Variants in ZNF846 observed in about 807,000 individuals in gnomAD.
The protein encoded by ZNF846 is zinc finger protein 846, also known as zinc finger protein 420 pseudogene.
ZNF846 carries 15 observed loss-of-function variants against 16.0 expected under a neutral mutation model. The ratio of observed to expected loss-of-function variants is 0.94; its 90% CI spans 0.63 to 1.45. ZNF846 has a LOEUF of 1.45. ZNF846 is among the 40% of genes most tolerant of loss of function. The pLI is 0.00. For missense variants in ZNF846, 714 were observed against 622.3 expected, an observed-to-expected ratio of 1.15 and a Z score of -1.57; for synonymous variants, 229 against 212.0, an observed-to-expected ratio of 1.08 and a Z score of -0.70.
At chr19:9,757,173 T>TGA (rs890395208), downstream of ZNF846, among the ~76,000 whole-genome samples, 6 of 149,204 alleles carry the variant, frequency 4.0e-5, 1 homozygote, top group African/African-American at 7.6e-5. Flanking sequence ...CCAGCCTGGG[T>TGA]GAGAGAGAGA....
At chr19:9,758,504 A>T (rs369876507) in exon 6 of ZNF846, 9 of 1,613,396 alleles carry the variant, frequency 5.6e-6, no homozygotes, top group South Asian at 1.1e-5. Flanking sequence ...CTTGTGTGTG[A>T]GTTTTATTCT....
upstream of ZNF846, among the ~76,000 whole-genome samples, chr19:9,771,541 G>A (rs1173569039): frequency 2.0e-5 from 3 of 152,126 alleles, no homozygotes; most frequent in Non-Finnish European, 2.9e-5. Context: ...TTATAAGTGA[G>A]AACATATATA....
At chr19:9,764,775 C>T in intron 2 of ZNF846, 161 bp downstream of exon 2, 1 of 802,256 alleles carries the variant, frequency 1.2e-6, no homozygotes, top group Non-Finnish European at 2.1e-6. Context: ...AATCTCTGTA[C>T]AACCTGAGAT....
intron 2 of ZNF846, among the ~76,000 whole-genome samples, chr19:9,764,559 G>A (rs530250116): frequency 5.1e-4 from 77 of 152,010 alleles, no homozygotes; most frequent in South Asian, 3.3e-3. Flanking sequence ...ACCTACCCCC[G>A]CCCTCACTAA....
chr19:9,755,672 C>T (rs990724299), downstream of ZNF846: 6 of 145,598 alleles, frequency 4.1e-5, 1 homozygote, highest in South Asian at 2.2e-4. Flanking sequence ...TAGTGGCGGG[C>T]GCCTGTAGTC....
chr19:9,753,209 G>C (rs1435538651), downstream of ZNF846, among the ~76,000 whole-genome samples: 4 of 146,032 alleles, frequency 2.7e-5, no homozygotes, highest in Admixed American at 2.7e-4. Flanking sequence ...TACGCAAGTT[G>C]AGGAGACAAA....
intron 1 of ZNF846, among the ~76,000 whole-genome samples, chr19:9,766,965 T>C: frequency 6.6e-6 from 1 of 151,626 alleles, no homozygotes; most frequent in East Asian, 1.9e-4. Context: ...CTTGATATTG[T>C]CACTGACTTT....
chr19:9,769,796 C>T (rs1200646476), upstream of ZNF846, among the ~76,000 whole-genome samples: 2 of 151,590 alleles, frequency 1.3e-5, no homozygotes, highest in Non-Finnish European at 2.9e-5. Flanking sequence ...GCCAACATGC[C>T]GAAACCCCAT....
downstream of ZNF846, among the ~76,000 whole-genome samples, chr19:9,757,284 C>T (rs181208242): frequency 9.2e-5 from 14 of 151,704 alleles, 2 homozygotes; most frequent in African/African-American, 3.4e-4. Flanking sequence ...AAGGTGAGTT[C>T]TTACACTTTA....
chr19:9,756,345 G>GTGTGTGTATATA (rs1321690890), downstream of ZNF846: 43 of 81,748 alleles, frequency 5.3e-4, no homozygotes, highest in African/African-American at 2.0e-3. Flanking sequence ...GTGTGTGTGT[G>GTGTGTGTATATA]TATATATATA....
exon 3 of ZNF846, chr19:9,763,406 G>C (rs752129984): frequency 6.3e-7 from 1 of 1,596,168 alleles, no homozygotes; most frequent in Admixed American, 1.8e-5. Context: ...AGGTCACTAA[G>C]TGCTAAACCA....
At chr19:9,752,077 T>G, downstream of ZNF846, 2 of 149,430 alleles carry the variant, frequency 1.3e-5, no homozygotes, top group Non-Finnish European at 3.0e-5. Context: ...TGGGATTACA[T>G]GCATGAGTCA....
downstream of ZNF846, chr19:9,756,345 G>GTGTGTGTA (rs1321690890): frequency 8.1e-4 from 66 of 81,750 alleles, no homozygotes; most frequent in African/African-American, 2.7e-3. Context: ...GTGTGTGTGT[G>GTGTGTGTA]TATATATATA....
At chr19:9,771,061 T>C (rs2045385917), upstream of ZNF846, among the ~76,000 whole-genome samples, 1 of 152,120 alleles carries the variant, frequency 6.6e-6, no homozygotes, top group Admixed American at 6.6e-5. Flanking sequence ...GGTGCACCCA[T>C]CATCCGAGCA....
upstream of ZNF846, among the ~76,000 whole-genome samples, chr19:9,769,741 C>T (rs567676559): frequency 1.3e-5 from 2 of 151,960 alleles, no homozygotes; most frequent in East Asian, 1.9e-4. Context: ...TTTGGGAAGC[C>T]GAGGCGGGTG....
upstream of ZNF846, among the ~76,000 whole-genome samples, chr19:9,769,297 G>C (rs544667931): frequency 6.6e-5 from 10 of 152,070 alleles, no homozygotes; most frequent in Admixed American, 2.6e-4. Context: ...CCCTAGGCTG[G>C]TCTCGAACTC....
chr19:9,777,401 G>C (rs1035176531), intron 1 of ZNF846, among the ~76,000 whole-genome samples: 8 of 151,988 alleles, frequency 5.3e-5, no homozygotes, highest in African/African-American at 1.7e-4. Context: ...AGCCGGGTGC[G>C]GTGGCTCATG....
chr19:9,760,569 T>C (rs771256264), intron 4 of ZNF846, among the ~76,000 whole-genome samples: 37 of 150,864 alleles, frequency 2.5e-4, no homozygotes, highest in Non-Finnish European at 3.4e-4. Context: ...GACATGGTGG[T>C]GTACACCTGT....
At chr19:9,774,887 A>G (rs1029539946) in intron 1 of ZNF846, 3 of 1,609,856 alleles carry the variant, frequency 1.9e-6, no homozygotes, top group Non-Finnish European at 2.5e-6. Context: ...AGAATACTCT[A>G]AGGACCGTAA....
Sources: gnomAD v4.1 joint callset for allele counts (sites outside exome capture counted in the v4.1 genomes callset) on GRCh38, gnomAD v4.1.1 for gene constraint, MANE v1.5 for transcripts, NCBI Gene and HGNC (gene_info 2026-07-23, HGNC 2026-07-21) for gene names.